Variants in LHFPL6 observed in about 807,000 individuals in gnomAD.
LHFPL6 encodes LHFPL tetraspan subfamily member 6, also known as LHFPL tetraspan subfamily member 6 protein.
A neutral mutation model predicts 20.6 loss-of-function variants in LHFPL6; 9 were observed. The ratio of observed to expected loss-of-function variants is 0.44; its 90% CI spans 0.26 to 0.76. The LOEUF (loss-of-function observed/expected upper bound fraction) is 0.76, where lower values mean the gene tolerates loss of function less well. LHFPL6 is among the 30% of genes least tolerant of loss of function. The pLI, the probability that LHFPL6 is intolerant of heterozygous loss-of-function variation, is 0.20. For synonymous variants in LHFPL6, 105 were observed against 98.7 expected, an observed-to-expected ratio of 1.06 and a Z score of -0.38; for missense variants, 218 against 253.5, an observed-to-expected ratio of 0.86 and a Z score of 0.95.
At chr13:39,577,274 T>G (rs1872145299) in intron 2 of LHFPL6, among the ~76,000 whole-genome samples, 1 of 152,164 alleles carries the variant, frequency 6.6e-6, no homozygotes, top group East Asian at 1.9e-4. Context: ...CACCCCCGCC[T>G]TCTCTCCAAC....
chr13:39,426,973 T>G (rs1395002084), intron 2 of LHFPL6, among the ~76,000 whole-genome samples: 9 of 152,146 alleles, frequency 5.9e-5, no homozygotes, highest in Admixed American at 5.9e-4. Context: ...TTTGTTGCAT[T>G]TAAACATCCA....
At chr13:39,535,641 A>G (rs983284845) in intron 2 of LHFPL6, among the ~76,000 whole-genome samples, 2 of 152,212 alleles carry the variant, frequency 1.3e-5, no homozygotes, top group African/African-American at 4.8e-5. Flanking sequence ...GACAGTGTAC[A>G]CATTCTGCTT....
intron 2 of LHFPL6, among the ~76,000 whole-genome samples, chr13:39,572,329 T>TGTGTGTGA (rs1454852828): frequency 7.4e-6 from 1 of 135,662 alleles, no homozygotes; most frequent in African/African-American, 2.6e-5. Flanking sequence ...TGTGTGTGTG[T>TGTGTGTGA]GACAGTCCCC....
intron 2 of LHFPL6, among the ~76,000 whole-genome samples, chr13:39,597,451 T>C (rs1382882928): frequency 6.6e-6 from 1 of 152,234 alleles, no homozygotes; most frequent in Non-Finnish European, 1.5e-5. Flanking sequence ...TAAAACGGTA[T>C]TTGAAAGCAC....
chr13:39,562,497 CA>C (rs1566142084), intron 2 of LHFPL6, among the ~76,000 whole-genome samples: 2 of 99,356 alleles, frequency 2.0e-5, no homozygotes, highest in African/African-American at 6.7e-5. Flanking sequence ...TACACATATA[CA>C]TATATACATA....
intron 2 of LHFPL6, among the ~76,000 whole-genome samples, chr13:39,515,568 C>T (rs763963321): frequency 1.3e-5 from 2 of 152,162 alleles, no homozygotes; most frequent in Non-Finnish European, 2.9e-5. Context: ...TAAATGCTTG[C>T]CTTTGTTTGA....
intron 2 of LHFPL6, among the ~76,000 whole-genome samples, chr13:39,385,231 C>A (rs1870535469): frequency 6.6e-6 from 1 of 152,150 alleles, no homozygotes. Flanking sequence ...AGCAATAATC[C>A]AACAGATGAC....
intron 2 of LHFPL6, among the ~76,000 whole-genome samples, chr13:39,381,124 G>A (rs1870427181): frequency 1.3e-5 from 2 of 152,160 alleles, no homozygotes; most frequent in African/African-American, 4.8e-5. Context: ...CTGGTCCGTG[G>A]TGTAAAAAAG....
At chr13:39,539,919 A>AATAC (rs1427083144) in intron 2 of LHFPL6, among the ~76,000 whole-genome samples, 2 of 152,228 alleles carry the variant, frequency 1.3e-5, no homozygotes, top group Admixed American at 6.5e-5. Context: ...AACTGCATGT[A>AATAC]ATACACTTTT....
Position 39,593,333 on chromosome 13 carries a change from G to C in LHFPL6, c.385+7499C>G, listed in dbSNP as rs572268413. On this transcript the variant is annotated intron_variant, in intron 2 of 3. Coordinates refer to ENST00000379589, the MANE Select transcript of LHFPL6 (RefSeq NM_005780.3). Reference sequence around the variant, plus strand: ...AGCATTCTTATACACCAATAACAGAGAGCCAAATCATGAGTGAACTCCCAT... The same window carrying C: ...AGCATTCTTATACACCAATAACAGACAGCCAAATCATGAGTGAACTCCCAT... 2.4e-3 allele frequency among the ~76,000 whole-genome samples: 368 copies of C among 151,602 alleles called. 1 individual carries two copies. The highest frequency in any genetic ancestry group is 8.0e-3 in the African/African-American group (332 of 41,466).
intron 2 of LHFPL6, among the ~76,000 whole-genome samples, chr13:39,466,147 T>C (rs1191222277): frequency 1.3e-5 from 2 of 152,284 alleles, no homozygotes; most frequent in East Asian, 1.9e-4. Flanking sequence ...GAGAAGAGAT[T>C]TGGGGACATG....
intron 2 of LHFPL6, among the ~76,000 whole-genome samples, chr13:39,457,089 A>G (rs1872590174): frequency 6.6e-6 from 1 of 152,170 alleles, no homozygotes; most frequent in African/African-American, 2.4e-5. Flanking sequence ...CGTGAGCCAC[A>G]GCACTTGGCC....
intron 2 of LHFPL6, among the ~76,000 whole-genome samples, chr13:39,406,074 G>A (rs1871107306): frequency 2.0e-5 from 3 of 152,172 alleles, no homozygotes; most frequent in South Asian, 4.1e-4. Flanking sequence ...AATGAATAAG[G>A]ATTCACAGTA....
chr13:39,573,944 T>G (rs1308927943), intron 2 of LHFPL6, among the ~76,000 whole-genome samples: 2 of 152,202 alleles, frequency 1.3e-5, no homozygotes, highest in African/African-American at 2.4e-5. Context: ...CAAGGCACCT[T>G]CTCTCATCAT....
chr13:39,459,926 A>C (rs1872651650), intron 2 of LHFPL6, among the ~76,000 whole-genome samples: 1 of 152,212 alleles, frequency 6.6e-6, no homozygotes. Context: ...TGGTGTTGAC[A>C]TATTAGCATA....
Position 39,412,413 on chromosome 13 carries a change from T to C in LHFPL6, c.386-33887A>G, listed in dbSNP as rs554752579. On this transcript the variant is annotated intron_variant, in intron 2 of 3. Transcript: ENST00000379589. ...TCTAAGTCTTTCTAATTTTTTTCTT[T>C]TCTTTTTCTCATTCAGGAATCACAG... is the stretch of plus-strand genomic sequence containing the variant. Among the ~76,000 whole-genome samples, 146 of 152,362 alleles carry C rather than the reference T, an allele frequency of 9.6e-4. 1 individual carries two copies. Among genetic ancestry groups the C allele is most frequent in the Non-Finnish European group, 5.3e-4 (36 of 68,028 alleles).
chr13:39,344,901 T>C (rs567145731), intron 3 of LHFPL6, among the ~76,000 whole-genome samples: 3 of 152,242 alleles, frequency 2.0e-5, no homozygotes, highest in Non-Finnish European at 2.9e-5. Context: ...ATCTGGGTTC[T>C]AGATCCCAAG....
intron 2 of LHFPL6, among the ~76,000 whole-genome samples, chr13:39,479,553 G>A (rs921941746): frequency 6.6e-6 from 1 of 152,110 alleles, no homozygotes; most frequent in Non-Finnish European, 1.5e-5. Context: ...GAATAGAAAA[G>A]CATCAACAGT....
At chr13:39,597,162 T>C (rs188647605) in intron 2 of LHFPL6, among the ~76,000 whole-genome samples, 121 of 152,360 alleles carry the variant, frequency 7.9e-4, no homozygotes, top group African/African-American at 8.4e-4. Flanking sequence ...GCATTTCATA[T>C]GTATATATGA....
Sources: allele counts gnomAD v4.1 joint callset (sites outside exome capture counted in the v4.1 genomes callset), GRCh38; gene constraint gnomAD v4.1.1; transcripts MANE v1.5; gene names NCBI Gene and HGNC (gene_info 2026-07-23, HGNC 2026-07-21).